The following RTF2 variants were observed in gnomAD, a reference collection of about 807,000 sequenced individuals.
The protein encoded by RTF2 is UPF0549 protein C20orf43.
Under a neutral mutation model 38.0 loss-of-function variants are expected in RTF2, and 18 were observed. The ratio of observed to expected loss-of-function variants is 0.47; its 90% confidence interval spans 0.33 to 0.70. The LOEUF (loss-of-function observed/expected upper bound fraction) is 0.70. Ranked by LOEUF, RTF2 falls within the 30% of genes least tolerant of loss-of-function variation. The pLI is 0.02. For missense variants in RTF2, 311 were observed against 379.6 expected (o/e 0.82, Z 1.50); for synonymous variants, 126 against 137.1 (o/e 0.92, Z 0.57).
At chr20:56,489,689 C>A (rs1034106750) in intron 5 of RTF2, among the ~76,000 whole-genome samples, 1 of 152,218 alleles carries the variant, frequency 6.6e-6, no homozygotes, top group African/African-American at 2.4e-5. Flanking sequence ...TTACAGGGCC[C>A]CCTTCACGGT....
At chr20:56,477,256 G>C in intron 4 of RTF2, 132 bp downstream of exon 4, 1 of 980,130 alleles carries the variant, frequency 1.0e-6, no homozygotes, top group Non-Finnish European at 1.5e-6. Flanking sequence ...GCGCCTTGGA[G>C]GAAATGGTGC....
At chr20:56,477,725 C>T (rs1982329488) in intron 4 of RTF2, among the ~76,000 whole-genome samples, 1 of 152,212 alleles carries the variant, frequency 6.6e-6, no homozygotes, top group Non-Finnish European at 1.5e-5. Flanking sequence ...CCTATGTTGC[C>T]CAGGCTGGAT....
chr20:56,503,883 G>T (rs185370899), intron 5 of RTF2, among the ~76,000 whole-genome samples: 179 of 152,246 alleles, frequency 1.2e-3, no homozygotes, highest in African/African-American at 4.0e-3. Context: ...CAGGAGAATC[G>T]CTTGAAATCA....
intron 5 of RTF2, among the ~76,000 whole-genome samples, chr20:56,498,490 C>T (rs1253265053): frequency 6.7e-6 from 1 of 149,474 alleles, no homozygotes; most frequent in East Asian, 1.9e-4. Flanking sequence ...GAGACCGTGT[C>T]TCCCAAAAAA....
At chr20:56,496,869 C>G in intron 5 of RTF2, 1 of 1,551,784 alleles carries the variant, frequency 6.4e-7, no homozygotes, top group South Asian at 1.2e-5. Context: ...TTCGAGATGA[C>G]TTTGACTTGT....
At chr20:56,511,537 A>G (rs1011296230) in intron 5 of RTF2, among the ~76,000 whole-genome samples, 4 of 152,032 alleles carry the variant, frequency 2.6e-5, no homozygotes, top group East Asian at 1.9e-4. Context: ...ATTTTCCTAT[A>G]AATTATTCTT....
chr20:56,500,385 C>T lies in RTF2; in HGVS notation c.478-12930C>T, dbSNP rs544105965. ...TTGTTTTTAAGATAACTTGTGAAAG[C>T]GTTCTGTTCCTCCTGTCACAGAAGT... is the stretch of plus-strand genomic sequence containing the variant. On this transcript the variant is annotated intron_variant, in intron 5 of 8. Transcript: ENST00000357348. Among the ~76,000 whole-genome samples the T allele has an allele frequency of 6.6e-5, 10 of 152,308 alleles. No individual in the cohort carries two copies. In the South Asian group the frequency reaches 1.0e-3, roughly 16 times the overall value.
Position 56,518,909 on chromosome 20 carries a change from C to T in RTF2, c.*644C>T, listed in dbSNP as rs980174998. ...CTCCTCTGTGTTTTTATCTTTTCTA[C>T]CTTCTGCTCATGCTTGGGTAAGAAC... On this transcript the variant is annotated 3_prime_UTR_variant, in exon 9 of 9. Coordinates refer to ENST00000357348, the MANE Select transcript of RTF2 (RefSeq NM_016407.5). 1 of 152,180 alleles carries T rather than the reference C, an allele frequency of 6.6e-6. No homozygotes were observed. The highest frequency in any genetic ancestry group is 1.9e-4 in the East Asian group (1 of 5,178). 9.4% of individuals were successfully genotyped at this position (152,180 alleles called of 1,614,324 possible).
chr20:56,517,345 A>AG (rs1985114305), intron 8 of RTF2, 144 bp downstream of exon 8: 1 of 663,180 alleles, frequency 1.5e-6, no homozygotes, highest in Non-Finnish European at 2.6e-6. Context: ...AACTCTCTTT[A>AG]GGGGGGTAAC....
At chr20:56,482,354 G>T (rs1465788459) in intron 4 of RTF2, among the ~76,000 whole-genome samples, 1 of 152,212 alleles carries the variant, frequency 6.6e-6, no homozygotes, top group Non-Finnish European at 1.5e-5. Context: ...TATAAATGCT[G>T]TGTAAATAGT....
At chr20:56,488,094 C>T (rs185613164) in intron 5 of RTF2, among the ~76,000 whole-genome samples, 1 of 152,324 alleles carries the variant, frequency 6.6e-6, no homozygotes, top group East Asian at 1.9e-4. Context: ...GACATGGTGG[C>T]TCACGCCTGT....
intron 1 of RTF2, chr20:56,471,754 C>G (rs1217253572): frequency 6.6e-6 from 1 of 152,094 alleles, no homozygotes; most frequent in African/African-American, 2.4e-5. Flanking sequence ...TCTCCCTGTC[C>G]CCAACTCTCT....
intron 4 of RTF2, among the ~76,000 whole-genome samples, chr20:56,477,505 G>A (rs117891097): frequency 6.6e-6 from 1 of 152,094 alleles, no homozygotes; most frequent in Non-Finnish European, 1.5e-5. Context: ...TTTCCTTCCT[G>A]TTACTAATTT....
chr20:56,496,479 T>C (rs1037802559), intron 5 of RTF2, among the ~76,000 whole-genome samples: 9 of 151,874 alleles, frequency 5.9e-5, no homozygotes, highest in African/African-American at 1.9e-4. Flanking sequence ...ACCCGGGAGG[T>C]GGAGCTTGCA....
intron 5 of RTF2, among the ~76,000 whole-genome samples, chr20:56,492,758 G>A (rs961608395): frequency 1.3e-5 from 2 of 151,994 alleles, no homozygotes; most frequent in Non-Finnish European, 2.9e-5. Context: ...ACAGATTAGC[G>A]AAGTGAGGCC....
chr20:56,473,394 A>G lies in RTF2; in HGVS notation c.163A>G (p.Arg55Gly). 1 of 1,607,928 alleles carries G rather than the reference A, an allele frequency of 6.2e-7. No individual in the cohort carries two copies. Among genetic ancestry groups the G allele is most frequent in the East Asian group, 2.2e-5 (1 of 44,792 alleles). The change falls in exon 2 of 9, where the codon AGA becomes GGA. Residue 55 changes from arginine (R) to glycine (G), a missense_variant and splice_region_variant. Coordinates refer to ENST00000357348, the MANE Select transcript of RTF2 (RefSeq NM_016407.5). ...ACCAATAGTTGCCTGTGAACTTGGCAGGTATGGTTTTTACACTTAATCAAG... is the reference window on the plus strand; with the variant it reads ...ACCAATAGTTGCCTGTGAACTTGGCGGGTATGGTTTTTACACTTAATCAAG... ...RRPIVACELG[R>G]LYNKDAVIEF...
rs779361056 is a variant in RTF2, at chr20:56,473,413, A to G, written c.164+18A>G. On this transcript the variant is annotated intron_variant, in intron 2 of 8. Coordinates refer to ENST00000357348, the MANE Select transcript of RTF2 (RefSeq NM_016407.5). ...CTTGGCAGGTATGGTTTTTACACTT[A>G]ATCAAGATGAGTTTGTTAAGTGATT... 2.9e-5 allele frequency: 44 copies of G among 1,530,410 alleles called. No individual in the cohort carries two copies. The highest frequency in any genetic ancestry group is 3.7e-5 in the Non-Finnish European group (41 of 1,113,712). 94.8% of individuals were successfully genotyped at this position (1,530,410 alleles called of 1,614,324 possible).
At chr20:56,486,010 G>C (rs560508581) in intron 5 of RTF2, among the ~76,000 whole-genome samples, 6 of 152,324 alleles carry the variant, frequency 3.9e-5, no homozygotes, top group African/African-American at 1.4e-4. Context: ...GGAAGAGCAT[G>C]GTTATTGGTT....
chr20:56,515,926 A>G (rs889443865), intron 6 of RTF2: 1 of 152,236 alleles, frequency 6.6e-6, no homozygotes, highest in African/African-American at 2.4e-5. Context: ...GAAGCAAGAT[A>G]TAACATTTCC....
Sources: allele counts gnomAD v4.1 joint callset (sites outside exome capture counted in the v4.1 genomes callset), GRCh38; gene constraint gnomAD v4.1.1; transcripts MANE v1.5; gene names NCBI Gene and HGNC (gene_info 2026-07-23, HGNC 2026-07-21).